The following TSHZ1 variants were observed in gnomAD, a reference collection of about 807,000 sequenced individuals.
TSHZ1 encodes teashirt homolog 1.
A neutral mutation model predicts 67.1 loss-of-function variants in TSHZ1; 12 were observed. The observed-to-expected ratio is 0.18, with a 90% CI of 0.11 to 0.29. The LOEUF (loss-of-function observed/expected upper bound fraction) is 0.29. Among genes scored for constraint, TSHZ1 ranks in the 10% least tolerant of loss-of-function variants. TSHZ1 has a pLI of 1.00. For missense variants in TSHZ1, 1,305 were observed against 1,413.9 expected (o/e 0.92, Z 1.23); for synonymous variants, 632 against 622.4 (o/e 1.02, Z -0.23).
intron 1 of TSHZ1, among the ~76,000 whole-genome samples, chr18:75,250,900 C>T (rs560810275): frequency 6.6e-6 from 1 of 152,310 alleles, no homozygotes; most frequent in Admixed American, 6.5e-5. Context: ...GGTCTGAAGA[C>T]CCCCGACACC....
At chr18:75,261,865 A>G (rs1240171499) in intron 1 of TSHZ1, among the ~76,000 whole-genome samples, 3 of 152,214 alleles carry the variant, frequency 2.0e-5, no homozygotes, top group Non-Finnish European at 4.4e-5. Context: ...TTAAAGTGTA[A>G]TGAACAAGCA....
In TSHZ1 at chr18:75,288,605, C is replaced by T; in HGVS notation, c.3198C>T (p.Asp1066=). 1 of 1,608,744 alleles carries T rather than the reference C, an allele frequency of 6.2e-7. No individual in the cohort carries two copies. Residue 1066 remains aspartate (D), a synonymous_variant, in exon 2 of 2, where the codon GAC becomes GAT. Transcript: ENST00000580243. The surrounding 1 kb of genome is among the most constrained non-coding windows in gnomAD (Gnocchi z 4.9). Reference sequence around the variant, plus strand: ...AGACCCACGGCAAGTCTCCCGAGGACCACCTGATCTATGTGACTGAGTTGG... The same window carrying T: ...AGACCCACGGCAAGTCTCCCGAGGATCACCTGATCTATGTGACTGAGTTGG... ...LSKTHGKSPE[D]HLIYVTELEK...
chr18:75,217,434 G>C (rs564846304), intron 1 of TSHZ1, among the ~76,000 whole-genome samples: 1 of 151,572 alleles, frequency 6.6e-6, no homozygotes, highest in Non-Finnish European at 1.5e-5. Flanking sequence ...TGGAGCACTT[G>C]TCATAGTAGT....
At chr18:75,215,893 T>C (rs914896867) in intron 1 of TSHZ1, among the ~76,000 whole-genome samples, 5 of 152,064 alleles carry the variant, frequency 3.3e-5, no homozygotes, top group Non-Finnish European at 5.9e-5. Context: ...GTCAGCTACT[T>C]AAGGCTGCCC....
intron 1 of TSHZ1, among the ~76,000 whole-genome samples, chr18:75,233,230 C>T (rs1448539839): frequency 6.6e-6 from 1 of 152,202 alleles, no homozygotes; most frequent in Non-Finnish European, 1.5e-5. Context: ...CTCTTTAAAT[C>T]ATTGAACTGT....
chr18:75,289,153 A>G lies in TSHZ1; in HGVS notation c.*512A>G, dbSNP rs566933339. The G allele has an allele frequency of 6.0e-6, 1 of 167,250 alleles. No homozygotes were observed. The highest frequency in any genetic ancestry group is 1.5e-5 in the Non-Finnish European group (1 of 68,184). 10.4% of individuals were successfully genotyped at this position (167,250 alleles called of 1,614,324 possible). A position where few individuals can be genotyped will look rare whatever the true frequency, so the allele number is the denominator to read the frequency against. On this transcript the variant is annotated 3_prime_UTR_variant, in exon 2 of 2. Coordinates refer to ENST00000580243, the MANE Select transcript of TSHZ1 (RefSeq NM_001308210.2). ...TGTCAGACACAAAACTTATTTAATA[A>G]TTAAAAAATGAGCTTTTATATGCAG...
chr18:75,287,888 G>A lies in TSHZ1; in HGVS notation c.2481G>A (p.Ser827=), dbSNP rs371776299. ...NKPLVSSVAD[S]VASPLRESAL... is the part of the protein sequence containing the mutation. ...CGCTGGTGTCCAGCGTGGCTGATTC[G>A]GTGGCATCACCTCTGCGGGAGAGCG... Residue 827 remains serine, a synonymous_variant, in exon 2 of 2, where the codon TCG becomes TCA. Transcript: ENST00000580243. The surrounding 1 kb of genome is among the most constrained non-coding windows in gnomAD (Gnocchi z 5.0). 1.2e-5 allele frequency: 19 copies of A among 1,614,044 alleles called. No homozygotes were observed. The highest frequency in any genetic ancestry group is 4.4e-5 in the South Asian group (4 of 91,086).
chr18:75,270,016 T>C (rs1186677390), intron 1 of TSHZ1, among the ~76,000 whole-genome samples: 1 of 152,232 alleles, frequency 6.6e-6, no homozygotes, highest in African/African-American at 2.4e-5. Flanking sequence ...CCAGTTTTGT[T>C]GACTTTCATG....
chr18:75,242,143 C>A lies in TSHZ1; in HGVS notation c.40+30227C>A, dbSNP rs2023164406. Among the ~76,000 whole-genome samples, 3 of 151,866 alleles carry A rather than the reference C, an allele frequency of 2.0e-5. No homozygotes were observed. The East Asian group carries it at 5.8e-4, about 29-fold the overall frequency. ...TTGAGGACTGGAGGTAGAGAAGTAACCCACTCTGAATCACAGATGTGCTCA... is the reference window on the plus strand; with the variant it reads ...TTGAGGACTGGAGGTAGAGAAGTAAACCACTCTGAATCACAGATGTGCTCA... On this transcript the variant is annotated intron_variant, in intron 1 of 1. Transcript: ENST00000580243.
chr18:75,265,249 G>T (rs568909493), intron 1 of TSHZ1, among the ~76,000 whole-genome samples: 1 of 152,324 alleles, frequency 6.6e-6, no homozygotes, highest in Non-Finnish European at 1.5e-5. Flanking sequence ...ACTGAGGTGG[G>T]ATTCCTTTGG....
At chr18:75,280,967 T>C (rs577530430) in intron 1 of TSHZ1, among the ~76,000 whole-genome samples, 14 of 152,196 alleles carry the variant, frequency 9.2e-5, no homozygotes, top group African/African-American at 3.1e-4. Context: ...GCATCCAGAC[T>C]GGGCACTCCC....
chr18:75,285,208 G>T (rs2023735445), intron 1 of TSHZ1: 1 of 351,670 alleles, frequency 2.8e-6, no homozygotes, highest in Non-Finnish European at 5.0e-6. Flanking sequence ...TGACATCTTT[G>T]GGACGAGCAC....
intron 1 of TSHZ1, among the ~76,000 whole-genome samples, chr18:75,235,715 A>G (rs541386944): frequency 6.6e-6 from 1 of 152,238 alleles, no homozygotes; most frequent in South Asian, 2.1e-4. Flanking sequence ...GGATGTAAAA[A>G]TTTCATTGAG....
rs1244509797 is a variant in TSHZ1, at chr18:75,287,845, C to G, written c.2438C>G (p.Thr813Ser). ...YENSDQPIDL[T>S]KSKNKPLVSS... ...AACAGCGACCAGCCCATTGACTTAA[C>G]CAAGTCCAAGAACAAGCCGCTGGTG... is the stretch of plus-strand genomic sequence containing the variant. Residue 813 changes from threonine (T) to serine (S), a missense_variant, in exon 2 of 2, where the codon ACC (threonine) becomes AGC (serine). By Grantham distance (58) the Thr-to-Ser change is moderately conservative. Coordinates refer to ENST00000580243, the MANE Select transcript of TSHZ1 (RefSeq NM_001308210.2). This position sits in a 1 kb window ranked among gnomAD's most constrained non-coding sequence, Gnocchi z 5.0. 24 of 1,614,150 alleles carry G rather than the reference C, an allele frequency of 1.5e-5. No homozygotes were observed. Among genetic ancestry groups the G allele is most frequent in the Non-Finnish European group, 2.0e-5 (24 of 1,180,044 alleles).
chr18:75,282,286 G>A (rs1258465398), intron 1 of TSHZ1, among the ~76,000 whole-genome samples: 1 of 152,150 alleles, frequency 6.6e-6, no homozygotes, highest in African/African-American at 2.4e-5. Flanking sequence ...CACCATGTGA[G>A]ATGCCGGGCC....
intron 1 of TSHZ1, among the ~76,000 whole-genome samples, chr18:75,282,429 A>T (rs993801738): frequency 6.6e-5 from 10 of 152,158 alleles, no homozygotes; most frequent in African/African-American, 2.4e-4. Context: ...CTGTGTTTTC[A>T]GTGTTGAGAG....
intron 1 of TSHZ1, among the ~76,000 whole-genome samples, chr18:75,275,235 G>A (rs1314258133): frequency 6.6e-6 from 1 of 152,150 alleles, no homozygotes; most frequent in Non-Finnish European, 1.5e-5. Context: ...CCCTTTGTGG[G>A]TTTTGGAGAC....
At chr18:75,239,208 A>C (rs2023122511) in intron 1 of TSHZ1, among the ~76,000 whole-genome samples, 1 of 152,248 alleles carries the variant, frequency 6.6e-6, no homozygotes, top group Non-Finnish European at 1.5e-5. Context: ...CTTCACCTGC[A>C]TGTAGCAATC....
At chr18:75,222,152 C>CT (rs1286118811) in intron 1 of TSHZ1, among the ~76,000 whole-genome samples, 1 of 151,174 alleles carries the variant, frequency 6.6e-6, no homozygotes, top group Non-Finnish European at 1.5e-5. Context: ...AGCGGCGTGG[C>CT]TTGTGTGCTT....
Sources: allele counts gnomAD v4.1 joint callset (sites outside exome capture counted in the v4.1 genomes callset), GRCh38; gene constraint gnomAD v4.1.1; non-coding constraint Gnocchi (gnomAD v3.1); transcripts MANE v1.5; gene names NCBI Gene and HGNC (gene_info 2026-07-23, HGNC 2026-07-21).